The following PPP1R13B variants were observed in gnomAD, a reference collection of about 807,000 sequenced individuals.
The protein encoded by PPP1R13B is protein phosphatase 1 regulatory subunit 13B, also known as apoptosis-stimulating of p53 protein 1.
In PPP1R13B, 44 loss-of-function variants were observed where a neutral mutation model predicts 119.8. The observed-to-expected ratio is 0.37, with a 90% CI of 0.29 to 0.47. The LOEUF (loss-of-function observed/expected upper bound fraction) is 0.47, where lower values mean the gene tolerates loss of function less well. Ranked by LOEUF, PPP1R13B falls within the 20% of genes least tolerant of loss-of-function variation. The pLI, the probability that PPP1R13B is intolerant of heterozygous loss-of-function variation, is 0.99. For missense variants in PPP1R13B, 1,227 were observed against 1,413.5 expected, an observed-to-expected ratio of 0.87 and a Z score of 2.12; for synonymous variants, 542 against 561.5, an observed-to-expected ratio of 0.97 and a Z score of 0.49.
At chr14:103,833,589 G>A (rs1396309496) in intron 1 of PPP1R13B, among the ~76,000 whole-genome samples, 3 of 152,122 alleles carry the variant, frequency 2.0e-5, no homozygotes, top group African/African-American at 7.2e-5. Flanking sequence ...GTTACAGTGA[G>A]ACAAGATCGC....
rs143842288 is a variant in PPP1R13B at position 103,771,959 on chromosome 14, C to T, written c.354+6786G>A. ...CATCCTCTCCCCAAATTTCCTTGTG[C>T]CCTTTTGTAATCCCTTCCTCCTATC... On this transcript the variant is annotated intron_variant, in intron 4 of 16. Coordinates refer to ENST00000202556, the MANE Select transcript of PPP1R13B (RefSeq NM_015316.3). 2.1e-3 allele frequency among the ~76,000 whole-genome samples: 320 copies of T among 152,270 alleles called. 1 individual carries two copies. The highest frequency in any genetic ancestry group is 7.5e-3 in the African/African-American group (313 of 41,556).
chr14:103,748,120 C>T (rs1035702375), intron 8 of PPP1R13B, among the ~76,000 whole-genome samples: 15 of 151,736 alleles, frequency 9.9e-5, no homozygotes, highest in Non-Finnish European at 1.5e-4. Flanking sequence ...CACACGTGCA[C>T]GCGCACGCTA....
chr14:103,757,179 C>T (rs1447466484), intron 5 of PPP1R13B, among the ~76,000 whole-genome samples: 2 of 151,994 alleles, frequency 1.3e-5, no homozygotes, highest in Admixed American at 1.3e-4. Flanking sequence ...CCTGCCTTAA[C>T]CTCCCATGTA....
intron 1 of PPP1R13B, among the ~76,000 whole-genome samples, chr14:103,832,384 T>C (rs1310648452): frequency 2.0e-5 from 3 of 152,184 alleles, no homozygotes; most frequent in Non-Finnish European, 4.4e-5. Flanking sequence ...CTCCAGCCAG[T>C]CTGTCTGCCA....
intron 1 of PPP1R13B, among the ~76,000 whole-genome samples, chr14:103,831,362 T>C (rs1317204668): frequency 6.7e-6 from 1 of 149,884 alleles, no homozygotes; most frequent in African/African-American, 2.4e-5. Context: ...CAGGCTGGAG[T>C]GCAGTGGTGC....
At chr14:103,739,174 G>A (rs2084186624) in intron 12 of PPP1R13B, 151 bp from the exon 13 acceptor site, 1 of 1,066,548 alleles carries the variant, frequency 9.4e-7, no homozygotes, top group South Asian at 1.5e-5. Context: ...GCGCCCAGGT[G>A]ACCACCTCAA....
In PPP1R13B at chr14:103,746,364, A is replaced by C; in HGVS notation, c.1150+9T>G. On this transcript the variant is annotated intron_variant, in intron 9 of 16. Transcript: ENST00000202556. Reference sequence around the variant, plus strand: ...ACTCTCCCCCAGGAAGAGGGCCAGGACCACTCACCGGATTTGGATCTTCCA... The same window carrying C: ...ACTCTCCCCCAGGAAGAGGGCCAGGCCCACTCACCGGATTTGGATCTTCCA... 1 of 1,467,340 alleles carries C rather than the reference A, an allele frequency of 6.8e-7. No homozygotes were observed. The highest frequency in any genetic ancestry group is 9.2e-7 in the Non-Finnish European group (1 of 1,089,568). 90.9% of individuals were successfully genotyped at this position (1,467,340 alleles called of 1,614,324 possible).
chr14:103,846,941 C>T (rs2087054726), intron 1 of PPP1R13B: 2 of 1,187,382 alleles, frequency 1.7e-6, no homozygotes, highest in Non-Finnish European at 2.2e-6. Context: ...GACCCCAGAA[C>T]GTTCGTTTCA....
intron 8 of PPP1R13B, among the ~76,000 whole-genome samples, chr14:103,748,924 T>A (rs2151975668): frequency 6.6e-6 from 1 of 152,344 alleles, no homozygotes; most frequent in Non-Finnish European, 1.5e-5. Flanking sequence ...CTAGTGTAAT[T>A]CCTGCAATCC....
Position 103,746,565 on chromosome 14 carries a change from G to A in PPP1R13B, c.970-12C>T. The A allele has an allele frequency of 1.9e-6, 3 of 1,561,512 alleles. No individual in the cohort carries two copies. The highest frequency in any genetic ancestry group is 2.6e-6 in the Non-Finnish European group (3 of 1,146,764). On this transcript the variant is annotated splice_polypyrimidine_tract_variant and intron_variant, in intron 8 of 16. Coordinates refer to ENST00000202556, the MANE Select transcript of PPP1R13B (RefSeq NM_015316.3). ...TTCACACGGTTCAGCTACAAATTGG[G>A]AAGAAATGAGAGTCAAGATTCTCCT...
intron 4 of PPP1R13B, chr14:103,763,235 C>A: frequency 9.4e-6 from 5 of 532,824 alleles, no homozygotes; most frequent in Non-Finnish European, 1.4e-5. Flanking sequence ...ACTTGGAACT[C>A]AGTGGGCCTG....
At chr14:103,803,816 A>G (rs577825845) in intron 1 of PPP1R13B, among the ~76,000 whole-genome samples, 1 of 152,244 alleles carries the variant, frequency 6.6e-6, no homozygotes, top group Admixed American at 6.5e-5. Flanking sequence ...CTGATGAATC[A>G]CACAACAAAT....
upstream of PPP1R13B, among the ~76,000 whole-genome samples, chr14:103,847,953 G>A (rs939956568): frequency 1.3e-5 from 2 of 151,704 alleles, no homozygotes; most frequent in Non-Finnish European, 2.9e-5. Flanking sequence ...CCGACTGTGG[G>A]CCGGGAGCGT....
intron 1 of PPP1R13B, among the ~76,000 whole-genome samples, chr14:103,810,283 G>A (rs1387346952): frequency 3.3e-5 from 5 of 151,948 alleles, no homozygotes; most frequent in Non-Finnish European, 5.9e-5. Context: ...TTAGCCCGAC[G>A]TGGTGGCACA....
chr14:103,795,135 G>A lies in PPP1R13B; in HGVS notation c.157+2236C>T, dbSNP rs886452975. On this transcript the variant is annotated intron_variant, in intron 2 of 16. Transcript: ENST00000202556. ...GTATTTTTAGTAGAGATGGGGTTTT[G>A]ACGTGCTGGCCAGGCTGGTCTCCAA... 2.7e-4 allele frequency among the ~76,000 whole-genome samples: 41 copies of A among 151,716 alleles called. 3 individuals are homozygous for A. Among genetic ancestry groups the A allele is most frequent in the Non-Finnish European group, 1.5e-5 (1 of 67,926 alleles).
intron 4 of PPP1R13B, among the ~76,000 whole-genome samples, chr14:103,777,062 G>A (rs557638692): frequency 6.5e-4 from 99 of 151,520 alleles, no homozygotes; most frequent in Non-Finnish European, 1.2e-3. Flanking sequence ...GCACGATCTC[G>A]GCTCATTGCA....
intron 1 of PPP1R13B, among the ~76,000 whole-genome samples, chr14:103,801,064 G>A (rs1037850336): frequency 4.6e-5 from 7 of 152,084 alleles, no homozygotes; most frequent in Non-Finnish European, 1.0e-4. Flanking sequence ...TGATCAGGCT[G>A]CTCTCAAACT....
At chr14:103,777,383 TGGAG>T (rs1317085150) in intron 4 of PPP1R13B, among the ~76,000 whole-genome samples, 1 of 152,112 alleles carries the variant, frequency 6.6e-6, no homozygotes, top group African/African-American at 2.4e-5. Context: ...ACCACAATGA[TGGAG>T]GAAGACACTG....
At position 103,740,274 on chromosome 14, in the gene PPP1R13B, G is replaced by A. The variant is rs772869583; in HGVS notation, c.2142C>T (p.Pro714=). Residue 714 remains proline, a synonymous_variant, in exon 12 of 17, where the codon CCC becomes CCT. Transcript: ENST00000202556. This position sits in a 1 kb window ranked among gnomAD's most constrained non-coding sequence, Gnocchi z 4.6. ...GGATGTTGGGCCCGCCGGGGCCCTC[G>A]GGCTCTGTGATGGAGCTGCGCTTTT... ...PLKKRSSITE[P]EGPGGPNIQK... The A allele has an allele frequency of 1.7e-5, 27 of 1,600,238 alleles. No homozygotes were observed. Among genetic ancestry groups the A allele is most frequent in the Admixed American group, 1.0e-4 (6 of 58,176 alleles).
Sources: gnomAD v4.1 joint callset for allele counts (sites outside exome capture counted in the v4.1 genomes callset) on GRCh38, gnomAD v4.1.1 for gene constraint, Gnocchi (gnomAD v3.1) non-coding constraint, MANE v1.5 for transcripts, NCBI Gene and HGNC (gene_info 2026-07-23, HGNC 2026-07-21) for gene names.